Variants in TG observed in about 807,000 individuals in gnomAD.
The protein encoded by TG is thyroglobulin, also known as thyroid hormones.
Under a neutral mutation model 324.7 loss-of-function variants are expected in TG, and 270 were observed. The observed-to-expected ratio is 0.83, with a 90% CI of 0.75 to 0.92. The LOEUF (loss-of-function observed/expected upper bound fraction) is 0.92, where lower values mean the gene tolerates loss of function less well. Among genes scored for constraint, TG ranks in the 40% least tolerant of loss-of-function variants. TG has a pLI of 0.00. For missense variants in TG, 3,591 were observed against 3,456.4 expected, an observed-to-expected ratio of 1.04 and a Z score of -0.98; for synonymous variants, 1,401 against 1,327.0, an observed-to-expected ratio of 1.06 and a Z score of -1.21.
At chr8:133,043,990 G>A (rs969280147) in intron 41 of TG, among the ~76,000 whole-genome samples, 7 of 152,138 alleles carry the variant, frequency 4.6e-5, no homozygotes, top group Non-Finnish European at 5.9e-5. Context: ...TATGGGCCAG[G>A]CACCCTCCCC....
intron 22 of TG, 98 bp downstream of exon 22, chr8:132,923,606 T>C: frequency 7.1e-7 from 1 of 1,405,188 alleles, no homozygotes; most frequent in Non-Finnish European, 9.5e-7. Flanking sequence ...TGCATTTGTC[T>C]CCAACTTTTT....
intron 41 of TG, among the ~76,000 whole-genome samples, chr8:133,089,088 G>A (rs989577120): frequency 2.6e-5 from 4 of 152,148 alleles, no homozygotes; most frequent in Admixed American, 6.5e-5. Context: ...AGGTCGGTGC[G>A]AGGGTGGAGA....
At chr8:133,014,048 G>T (rs770788976) in intron 37 of TG, among the ~76,000 whole-genome samples, 2 of 152,232 alleles carry the variant, frequency 1.3e-5, no homozygotes, top group South Asian at 4.1e-4. Flanking sequence ...AGTTTAGAGA[G>T]TTCTTTCACA....
rs763246810 is a variant in TG at position 132,887,318 on chromosome 8, CAA to C, written c.1947_1948del (p.Arg650SerfsTer13). 1 of 1,608,480 alleles carries C rather than the reference CAA, an allele frequency of 6.2e-7. No homozygotes were observed. Among genetic ancestry groups the C allele is most frequent in the South Asian group, 1.1e-5 (1 of 90,814 alleles). ...TCCTGGGGCAAAGAGCTTCCAGGCT[CAA>C]GAGTCAGAGGTGGACAGCCAAGGTG... On this transcript the variant is annotated frameshift_variant, in exon 9 of 48. Coordinates refer to ENST00000220616, the MANE Select transcript of TG (RefSeq NM_003235.5). LOFTEE classifies it high-confidence loss of function.
At chr8:132,872,927 G>A (rs1398383292) in intron 4 of TG, 135 bp from the exon 5 acceptor site, 5 of 976,776 alleles carry the variant, frequency 5.1e-6, no homozygotes, top group South Asian at 2.9e-5. Flanking sequence ...ATGTTCACAC[G>A]ACAATGAAAC....
At chr8:133,094,242 C>CTTTTTT (rs765931953) in intron 41 of TG, among the ~76,000 whole-genome samples, 2 of 126,574 alleles carry the variant, frequency 1.6e-5, no homozygotes, top group Non-Finnish European at 1.6e-5. Context: ...CTGTCGTTTT[C>CTTTTTT]TTTTTTTTTT....
At chr8:133,083,833 G>C (rs902048162) in intron 41 of TG, among the ~76,000 whole-genome samples, 2 of 152,050 alleles carry the variant, frequency 1.3e-5, no homozygotes, top group African/African-American at 4.8e-5. Context: ...CTGCTGCCCC[G>C]TCCAGGTTCT....
chr8:133,134,764 G>T lies in TG; in HGVS notation c.8277G>T (p.Gln2759His), dbSNP rs765116879. 6.2e-7 allele frequency: 1 copy of T among 1,614,158 alleles called. No homozygotes were observed. The highest frequency in any genetic ancestry group is 8.5e-7 in the Non-Finnish European group (1 of 1,180,006). ...SGLREDLLSL[Q>H]EPGSKTYSK ...TAAGAGAAGATCTCCTAAGCCTCCA[G>T]GAACCAGGCTCTAAGACCTACAGCA... The change falls in exon 48 of 48, where the codon CAG (glutamine) becomes CAT (histidine). Residue 2759 changes from glutamine to histidine, a missense_variant. Transcript: ENST00000220616.
chr8:133,049,570 A>T, intron 41 of TG: 1 of 325,682 alleles, frequency 3.1e-6, no homozygotes. Context: ...CAGGATTTGA[A>T]CCTAGACACA....
In TG at chr8:132,881,213, T is replaced by C. The variant is rs16904769; in HGVS notation, c.639-650T>C. Among the ~76,000 whole-genome samples, 1,396 of 152,310 alleles carry C rather than the reference T, an allele frequency of 9.2e-3. 38 individuals carry two copies. The highest frequency in any genetic ancestry group is 0.087 in the East Asian group (451 of 5,184). On this transcript the variant is annotated intron_variant, in intron 5 of 47. Coordinates refer to ENST00000220616, the MANE Select transcript of TG (RefSeq NM_003235.5). ...ATTACTTCTAAGAAAGGGAACCCAG[T>C]TGATGAGCTCGTTATAACAATTGCC...
chr8:133,069,387 C>T (rs1843603549), intron 41 of TG, among the ~76,000 whole-genome samples: 1 of 152,226 alleles, frequency 6.6e-6, no homozygotes, highest in Non-Finnish European at 1.5e-5. Flanking sequence ...TGTCCAGGGA[C>T]ATGGACCCCA....
chr8:132,919,171 C>T (rs933642395), intron 20 of TG, among the ~76,000 whole-genome samples: 3 of 152,150 alleles, frequency 2.0e-5, no homozygotes, highest in Admixed American at 6.5e-5. Context: ...ATGTCACTTC[C>T]CGGACAGCAG....
At chr8:133,119,798 G>T (rs183868836) in intron 45 of TG, among the ~76,000 whole-genome samples, 4 of 152,180 alleles carry the variant, frequency 2.6e-5, no homozygotes, top group East Asian at 1.9e-4. Flanking sequence ...TAACCCACCC[G>T]CGGCTTCTCT....
At chr8:132,888,607 G>A (rs1485891047) in intron 10 of TG, 39 bp downstream of exon 10, 2 of 1,533,660 alleles carry the variant, frequency 1.3e-6, no homozygotes, top group South Asian at 1.2e-5. Context: ...GTGTGTGTGT[G>A]TGTGTGTGTG....
chr8:132,888,681 G>A, intron 10 of TG, 113 bp downstream of exon 10: 1 of 1,174,492 alleles, frequency 8.5e-7, no homozygotes, highest in Non-Finnish European at 1.2e-6. Context: ...TGTCAAAGCT[G>A]GAATGGAGTT....
At chr8:132,951,373 C>A (rs190892798) in intron 27 of TG, among the ~76,000 whole-genome samples, 2 of 152,096 alleles carry the variant, frequency 1.3e-5, no homozygotes, top group African/African-American at 4.8e-5. Flanking sequence ...AAAATCAAAT[C>A]GCTTATTTAT....
chr8:133,114,235 C>T lies in TG; in HGVS notation c.7754+632C>T, dbSNP rs151035830. Among the ~76,000 whole-genome samples, 31 of 152,276 alleles carry T rather than the reference C, an allele frequency of 2.0e-4. No individual in the cohort carries two copies. In the East Asian group the frequency reaches 4.1e-3, roughly 20 times the overall value. ...AGCCCTGCGCCCTCTCTCTGGGGCC[C>T]GCTGTTTCTTGTATCCACTGCTTAC... is the stretch of plus-strand genomic sequence containing the variant. On this transcript the variant is annotated intron_variant, in intron 44 of 47. Coordinates refer to ENST00000220616, the MANE Select transcript of TG (RefSeq NM_003235.5).
At chr8:133,049,559 G>A in intron 41 of TG, 1 of 307,370 alleles carries the variant, frequency 3.3e-6, no homozygotes, top group East Asian at 7.2e-5. Context: ...AGTGACAGAG[G>A]CAGGATTTGA....
intron 41 of TG, among the ~76,000 whole-genome samples, chr8:133,083,680 A>AT (rs151284635): frequency 2.0e-5 from 3 of 151,904 alleles, no homozygotes; most frequent in Non-Finnish European, 2.9e-5. Context: ...TGATCTCTCT[A>AT]TTTTTTTTCT....
Sources: allele counts gnomAD v4.1 joint callset (sites outside exome capture counted in the v4.1 genomes callset), GRCh38; gene constraint gnomAD v4.1.1; transcripts MANE v1.5; gene names NCBI Gene and HGNC (gene_info 2026-07-23, HGNC 2026-07-21).